Variants in R3HDM1 observed in about 807,000 individuals in gnomAD.
The protein encoded by R3HDM1 is R3H domain-containing protein 1.
A neutral mutation model predicts 141.1 loss-of-function variants in R3HDM1; 46 were observed. The observed-to-expected ratio is 0.33, with a 90% CI of 0.26 to 0.42. The LOEUF (loss-of-function observed/expected upper bound fraction) is 0.42, where lower values mean the gene tolerates loss of function less well. Among genes scored for constraint, R3HDM1 ranks in the 10% least tolerant of loss-of-function variants. The probability of loss-of-function intolerance (pLI) is 1.00; values close to 1 mark genes in which losing one functional copy is unlikely to be tolerated. For missense variants in R3HDM1, 1,184 were observed against 1,368.3 expected (o/e 0.87, Z 2.12); for synonymous variants, 435 against 472.9 (o/e 0.92, Z 1.04).
intron 23 of R3HDM1, among the ~76,000 whole-genome samples, chr2:135,715,135 G>A (rs2076039418): frequency 1.3e-5 from 2 of 152,172 alleles, no homozygotes; most frequent in African/African-American, 2.4e-5. Context: ...GGATCACAAG[G>A]TCAGGAGATC....
intron 1 of R3HDM1, among the ~76,000 whole-genome samples, chr2:135,542,661 A>G (rs1279132251): frequency 6.6e-6 from 1 of 152,224 alleles, no homozygotes; most frequent in African/African-American, 2.4e-5. Context: ...ATCCCCTATA[A>G]TGACATACCA....
intron 3 of R3HDM1, among the ~76,000 whole-genome samples, chr2:135,606,827 T>C (rs2060112136): frequency 1.3e-5 from 2 of 151,622 alleles, no homozygotes; most frequent in Admixed American, 1.3e-4. Flanking sequence ...AATTAAAGAA[T>C]TCTATTTTTG....
At chr2:135,651,069 A>G (rs1394948356) in intron 17 of R3HDM1, 1 of 985,238 alleles carries the variant, frequency 1.0e-6, no homozygotes, top group Non-Finnish European at 1.2e-6. Flanking sequence ...TTGTCTTGGT[A>G]GGGCACCATT....
In R3HDM1 at chr2:135,645,370, A is replaced by C; in HGVS notation, c.1475-9A>C. 6.4e-7 allele frequency: 1 copy of C among 1,574,456 alleles called. No homozygotes were observed. Among genetic ancestry groups the C allele is most frequent in the South Asian group, 1.2e-5 (1 of 85,416 alleles). On this transcript the variant is annotated splice_polypyrimidine_tract_variant and intron_variant, in intron 15 of 26. Transcript: ENST00000683871. ...AAGTTATTTTTTTCCCTCTTTTTGA[A>C]TTTTTCAGGTCAGCCCTTCATAAAC... is the stretch of plus-strand genomic sequence containing the variant.
chr2:135,573,960 A>G (rs1315882446), intron 1 of R3HDM1, among the ~76,000 whole-genome samples: 1 of 152,190 alleles, frequency 6.6e-6, no homozygotes, highest in Non-Finnish European at 1.5e-5. Context: ...CCAGCTCAAA[A>G]CAAAATTTAG....
Position 135,531,643 on chromosome 2 carries a change from G to A in R3HDM1, c.-250+10G>A. 1 of 986,448 alleles carries A rather than the reference G, an allele frequency of 1.0e-6. No individual in the cohort carries two copies. The highest frequency in any genetic ancestry group is 1.7e-5 in the African/African-American group (1 of 57,378). The allele number at this position is 986,448 out of a possible 1,614,324, so 61.1% of individuals were successfully genotyped here. A position where few individuals can be genotyped will look rare whatever the true frequency, so the allele number is the denominator to read the frequency against. On this transcript the variant is annotated intron_variant, in intron 1 of 26. Transcript: ENST00000683871. ...CTCCTCAGTAACGCGGGTAAGAGAT[G>A]CCCTTCCCTCCCCCGTCCAGCTCCC...
chr2:135,700,869 A>G (rs943086357), intron 21 of R3HDM1, among the ~76,000 whole-genome samples: 1 of 152,178 alleles, frequency 6.6e-6, no homozygotes, highest in Admixed American at 6.5e-5. Flanking sequence ...CTTTTCATGT[A>G]CAGTAGTCCC....
At chr2:135,533,108 A>G (rs1169672006) in intron 1 of R3HDM1, among the ~76,000 whole-genome samples, 2 of 152,180 alleles carry the variant, frequency 1.3e-5, no homozygotes, top group Admixed American at 1.3e-4. Context: ...GAATTGACAT[A>G]GATACATTCA....
chr2:135,641,609 A>T lies in R3HDM1; in HGVS notation c.1293A>T (p.Thr431=). The T allele has an allele frequency of 6.2e-7, 1 of 1,614,174 alleles. No homozygotes were observed. The highest frequency in any genetic ancestry group is 1.1e-5 in the South Asian group (1 of 91,086). Residue 431 remains threonine (T), a synonymous_variant, in exon 15 of 27, where the codon ACA becomes ACT. Transcript: ENST00000683871. The part of the protein sequence containing the change: ...LSHIQQPLPG[T]ALSQSSHGAP... ...ACATCCAGCAGCCTCTTCCAGGTAC[A>T]GCTCTCAGCCAGTCTTCTCATGGCG...
At chr2:135,698,252 C>T (rs1394920702) in intron 21 of R3HDM1, among the ~76,000 whole-genome samples, 4 of 151,298 alleles carry the variant, frequency 2.6e-5, no homozygotes, top group African/African-American at 4.9e-5. Flanking sequence ...CTCCGCCTCC[C>T]GGGTTCACGC....
rs558142435 is a variant in R3HDM1, at chr2:135,619,246, T to G, written c.304-2248T>G. The stretch of plus-strand genomic sequence containing the variant: ...TAATACAGAGGAAGCGTATACTTTT[T>G]GAAAAAACAAAAGCTGTACCATGAC... On this transcript the variant is annotated intron_variant, in intron 5 of 26. Coordinates refer to ENST00000683871, the MANE Select transcript of R3HDM1 (RefSeq NM_001378107.1). 5.9e-5 allele frequency among the ~76,000 whole-genome samples: 9 copies of G among 152,282 alleles called. No homozygotes were observed. In the South Asian group the frequency reaches 1.7e-3, roughly 28 times the overall value.
chr2:135,606,554 G>A (rs1400556176), intron 3 of R3HDM1: 1 of 151,856 alleles, frequency 6.6e-6, no homozygotes, highest in African/African-American at 2.4e-5. Flanking sequence ...ACAAGGTCAG[G>A]AGATCGAGAC....
At chr2:135,598,826 T>TC (rs1249496497) in intron 1 of R3HDM1, among the ~76,000 whole-genome samples, 4 of 152,178 alleles carry the variant, frequency 2.6e-5, no homozygotes, top group African/African-American at 9.7e-5. Flanking sequence ...TTCCTGTCAT[T>TC]CCCCCATCCT....
chr2:135,565,320 A>C (rs1328127719), intron 1 of R3HDM1, among the ~76,000 whole-genome samples: 1 of 140,112 alleles, frequency 7.1e-6, no homozygotes, highest in Non-Finnish European at 1.5e-5. Context: ...CCAATGAAAA[A>C]AAATTATTAT....
chr2:135,623,645 A>C (rs1255010094), intron 7 of R3HDM1, among the ~76,000 whole-genome samples: 2 of 152,208 alleles, frequency 1.3e-5, no homozygotes, highest in Admixed American at 1.3e-4. Context: ...ACTCTCCTTG[A>C]CTTTTTTTCC....
intron 21 of R3HDM1, among the ~76,000 whole-genome samples, chr2:135,691,033 T>A (rs1462143735): frequency 3.3e-5 from 5 of 152,246 alleles, no homozygotes; most frequent in African/African-American, 1.2e-4. Flanking sequence ...TGAAAAATAC[T>A]TCTCTTATAT....
At chr2:135,630,738 C>G (rs1449151159) in intron 7 of R3HDM1, among the ~76,000 whole-genome samples, 1 of 152,102 alleles carries the variant, frequency 6.6e-6, no homozygotes, top group Non-Finnish European at 1.5e-5. Context: ...TTTTCTTGAT[C>G]TGTAAACTTT....
intron 3 of R3HDM1, among the ~76,000 whole-genome samples, chr2:135,611,123 A>C (rs1357005772): frequency 1.4e-5 from 2 of 145,444 alleles, no homozygotes; most frequent in African/African-American, 5.0e-5. Context: ...ATAAAATTTA[A>C]AAAAAAAAAA....
chr2:135,713,359 A>G (rs780421605), intron 23 of R3HDM1, among the ~76,000 whole-genome samples: 5 of 152,244 alleles, frequency 3.3e-5, no homozygotes, highest in Non-Finnish European at 7.3e-5. Context: ...TTTGGCAAAG[A>G]TCAAGTTATA....
Sources: gnomAD v4.1 joint callset for allele counts (sites outside exome capture counted in the v4.1 genomes callset) on GRCh38, gnomAD v4.1.1 for gene constraint, MANE v1.5 for transcripts, NCBI Gene and HGNC (gene_info 2026-07-23, HGNC 2026-07-21) for gene names.